VTI1A: variants seen among roughly 807,000 people sequenced by gnomAD.
VTI1A encodes the protein vesicle transport through interaction with t-SNAREs homolog 1A.
In VTI1A, 22 loss-of-function variants were observed where a neutral mutation model predicts 34.9. The ratio of observed to expected loss-of-function variants is 0.63; its 90% CI spans 0.45 to 0.90. The LOEUF (loss-of-function observed/expected upper bound fraction) is 0.90, where lower values mean the gene tolerates loss of function less well. Ranked by LOEUF, VTI1A falls within the 40% of genes least tolerant of loss-of-function variation. The pLI, the probability that VTI1A is intolerant of heterozygous loss-of-function variation, is 0.00. For missense variants in VTI1A, 268 were observed against 275.6 expected (o/e 0.97, Z 0.20); for synonymous variants, 87 against 97.3 (o/e 0.89, Z 0.62).
intron 3 of VTI1A, among the ~76,000 whole-genome samples, chr10:112,490,510 T>C (rs966679142): frequency 1.3e-5 from 2 of 152,212 alleles, no homozygotes; most frequent in African/African-American, 4.8e-5. Context: ...GTAGGAGTTG[T>C]ATTAAAATAA....
intron 7 of VTI1A, among the ~76,000 whole-genome samples, chr10:112,680,259 A>G (rs1400340949): frequency 6.6e-6 from 1 of 152,156 alleles, no homozygotes; most frequent in Admixed American, 6.5e-5. Flanking sequence ...GAACAATTAC[A>G]TTTATATGGG....
chr10:112,658,056 C>A (rs933659347), intron 5 of VTI1A, among the ~76,000 whole-genome samples: 1 of 152,034 alleles, frequency 6.6e-6, no homozygotes, highest in East Asian at 1.9e-4. Context: ...CAACTTCCTG[C>A]ATTCTAGTTT....
downstream of VTI1A, among the ~76,000 whole-genome samples, chr10:112,821,386 G>T (rs988550199): frequency 1.3e-5 from 2 of 152,158 alleles, no homozygotes; most frequent in African/African-American, 2.4e-5. Context: ...ACCTGGGGGA[G>T]CCCAGGCCCT....
chr10:112,839,125 G>T, the VTI1A span, among the ~76,000 whole-genome samples: 1 of 152,206 alleles, frequency 6.6e-6, no homozygotes, highest in African/African-American at 2.4e-5. Context: ...TGTCTCAAGA[G>T]CAGGAAGAGC....
intron 7 of VTI1A, among the ~76,000 whole-genome samples, chr10:112,807,386 G>A (rs1419388207): frequency 1.3e-5 from 2 of 152,150 alleles, no homozygotes; most frequent in Admixed American, 6.5e-5. Context: ...AAAAGTGTAA[G>A]GGAAGAATTC....
At chr10:112,580,998 A>G (rs762228767) in intron 5 of VTI1A, among the ~76,000 whole-genome samples, 1 of 152,208 alleles carries the variant, frequency 6.6e-6, no homozygotes, top group Non-Finnish European at 1.5e-5. Flanking sequence ...TTTATACACC[A>G]TATGATCATG....
chr10:112,649,067 G>A (rs1367005661), intron 5 of VTI1A, among the ~76,000 whole-genome samples: 1 of 152,116 alleles, frequency 6.6e-6, no homozygotes, highest in East Asian at 1.9e-4. Flanking sequence ...AAATGGGGAA[G>A]TTGACTAGCT....
chr10:112,570,246 T>A (rs900527346), intron 5 of VTI1A, among the ~76,000 whole-genome samples: 4 of 146,732 alleles, frequency 2.7e-5, no homozygotes, highest in African/African-American at 1.1e-4. Context: ...TGTACAAAAT[T>A]TTTTTTTTTA....
chr10:112,845,790 G>C, the VTI1A span, among the ~76,000 whole-genome samples: 1 of 152,232 alleles, frequency 6.6e-6, no homozygotes, highest in Non-Finnish European at 1.5e-5. Context: ...GGCTGAGGCA[G>C]GCAGATCATT....
the VTI1A span, among the ~76,000 whole-genome samples, chr10:112,841,739 G>A: frequency 6.6e-6 from 1 of 152,346 alleles, no homozygotes; most frequent in Admixed American, 6.5e-5. Context: ...TATGGTGGGG[G>A]CAGTGGGAGC....
At position 112,812,354 on chromosome 10, in the gene VTI1A, C is replaced by A. The variant is rs138314376; in HGVS notation, c.561-2936C>A. Among the ~76,000 whole-genome samples the A allele has an allele frequency of 9.1e-3, 1,383 of 152,336 alleles. 11 individuals carry two copies. Among genetic ancestry groups the A allele is most frequent in the Middle Eastern group, 0.051 (15 of 294 alleles). The stretch of plus-strand genomic sequence containing the variant: ...TAGGAGGAAGTTACTTTGGGCTTCT[C>A]CCCAAGTTCCTTCGCTGCCATCTCA... On this transcript the variant is annotated intron_variant, in intron 7 of 7. Transcript: ENST00000393077.
intron 7 of VTI1A, among the ~76,000 whole-genome samples, chr10:112,708,837 G>A (rs752079292): frequency 5.3e-5 from 8 of 152,158 alleles, no homozygotes; most frequent in African/African-American, 9.7e-5. Context: ...GCCGTTTGCC[G>A]TGAACATTTC....
At chr10:112,830,393 T>C in the VTI1A span, among the ~76,000 whole-genome samples, 1 of 151,402 alleles carries the variant, frequency 6.6e-6, no homozygotes, top group East Asian at 2.0e-4. Flanking sequence ...AGCCTCTGCC[T>C]GGAATGTTCT....
chr10:112,672,365 T>TTG (rs1847882291), intron 7 of VTI1A, among the ~76,000 whole-genome samples: 1 of 152,326 alleles, frequency 6.6e-6, no homozygotes, highest in Admixed American at 6.5e-5. Context: ...GAAAATTGGT[T>TTG]CATTCAAAAT....
intron 3 of VTI1A, among the ~76,000 whole-genome samples, chr10:112,516,392 T>C (rs1849781433): frequency 6.6e-6 from 1 of 152,118 alleles, no homozygotes. Flanking sequence ...CATTTTCCCA[T>C]AGTATATTGG....
At chr10:112,527,671 C>G (rs541341805) in intron 4 of VTI1A, among the ~76,000 whole-genome samples, 17 of 150,964 alleles carry the variant, frequency 1.1e-4, no homozygotes, top group Non-Finnish European at 1.3e-4. Flanking sequence ...AACTTGGATA[C>G]CCATACAGAG....
At chr10:112,488,941 A>T (rs1848732886) in intron 3 of VTI1A, among the ~76,000 whole-genome samples, 1 of 152,126 alleles carries the variant, frequency 6.6e-6, no homozygotes, top group Non-Finnish European at 1.5e-5. Flanking sequence ...TCATCCTTTT[A>T]TTTTATTCTC....
intron 7 of VTI1A, among the ~76,000 whole-genome samples, chr10:112,699,657 C>G (rs1166442001): frequency 6.6e-6 from 1 of 150,812 alleles, no homozygotes; most frequent in Non-Finnish European, 1.5e-5. Context: ...ATGGTGAAAC[C>G]CCGTCTCTAC....
At chr10:112,484,230 C>A (rs183870135) in intron 3 of VTI1A, among the ~76,000 whole-genome samples, 1 of 152,342 alleles carries the variant, frequency 6.6e-6, no homozygotes, top group East Asian at 1.9e-4. Context: ...GCTTCTTCGA[C>A]TCTAAGATGC....
Sources: gnomAD v4.1 joint callset for allele counts (sites outside exome capture counted in the v4.1 genomes callset) on GRCh38, gnomAD v4.1.1 for gene constraint, MANE v1.5 for transcripts, NCBI Gene and HGNC (gene_info 2026-07-23, HGNC 2026-07-21) for gene names.